Variants in ADGRG3 observed in about 807,000 individuals in gnomAD.
ADGRG3 encodes adhesion G protein-coupled receptor G3.
Under a neutral mutation model 54.3 loss-of-function variants are expected in ADGRG3, and 39 were observed. The ratio of observed to expected loss-of-function variants is 0.72; its 90% CI spans 0.56 to 0.94. The LOEUF (loss-of-function observed/expected upper bound fraction) is 0.94, where lower values mean the gene tolerates loss of function less well. Ranked by LOEUF, ADGRG3 falls within the 40% of genes least tolerant of loss-of-function variation. The pLI is 0.00. For synonymous variants in ADGRG3, 312 were observed against 290.0 expected (o/e 1.08, Z -0.77); for missense variants, 654 against 694.6 (o/e 0.94, Z 0.66).
At position 57,685,881 on chromosome 16, in the gene ADGRG3, G is replaced by T; in HGVS notation, c.1495G>T (p.Gly499Cys). ...TWGLAIFTPL[G>C]LSTVYIFALF... is the part of the protein sequence containing the mutation. Reference sequence around the variant, plus strand: ...GGGGTTGGCCATCTTCACCCCGTTGGGCCTCTCCACCGTCTACATCTTTGC... The same window carrying T: ...GGGGTTGGCCATCTTCACCCCGTTGTGCCTCTCCACCGTCTACATCTTTGC... Residue 499 changes from glycine (G) to cysteine (C), a missense_variant, in exon 11 of 12, where the codon GGC (glycine) becomes TGC (cysteine). Gly to Cys is a radical substitution (Grantham distance 159). Transcript: ENST00000333493. 6.2e-7 allele frequency: 1 copy of T among 1,614,068 alleles called. No homozygotes were observed. Among genetic ancestry groups the T allele is most frequent in the Non-Finnish European group, 8.5e-7 (1 of 1,180,002 alleles).
At chr16:57,668,845 C>G (rs1212003869) in intron 1 of ADGRG3, among the ~76,000 whole-genome samples, 1 of 152,156 alleles carries the variant, frequency 6.6e-6, no homozygotes, top group Admixed American at 6.5e-5. Flanking sequence ...TCTTCTGGAC[C>G]TCTCCTCCCG....
rs2048463467 is a variant in ADGRG3 at position 57,685,850 on chromosome 16, G to C, written c.1464G>C (p.Val488=). 2 of 1,614,054 alleles carry C rather than the reference G, an allele frequency of 1.2e-6. No individual in the cohort carries two copies. Among genetic ancestry groups the C allele is most frequent in the African/African-American group, 2.7e-5 (2 of 74,912 alleles). ...TGGGCCTCTCGAGCCTGGTGGGTGT[G>C]ACATGGGGGTTGGCCATCTTCACCC... ...TLLGLSSLVG[V]TWGLAIFTPL... The change falls in exon 11 of 12, where the codon GTG becomes GTC. Residue 488 remains valine (V), a synonymous_variant. Coordinates refer to ENST00000333493, the MANE Select transcript of ADGRG3 (RefSeq NM_170776.5).
rs78464854 is a variant in ADGRG3, at chr16:57,684,492, C to A, written c.1256+9C>A. ...CGCACCTCTCTGGAGCTGTGAGTGG[C>A]GGCTGTGGGAGCAGGGGTGATGCCA... On this transcript the variant is annotated intron_variant, in intron 10 of 11. Coordinates refer to ENST00000333493, the MANE Select transcript of ADGRG3 (RefSeq NM_170776.5). The A allele has an allele frequency of 6.2e-7, 1 of 1,604,880 alleles. No homozygotes were observed. Among genetic ancestry groups the A allele is most frequent in the South Asian group, 1.1e-5 (1 of 90,850 alleles).
At chr16:57,673,265 A>G (rs2048194969) in intron 1 of ADGRG3, 56 bp from the exon 2 acceptor site, 4 of 1,555,418 alleles carry the variant, frequency 2.6e-6, no homozygotes, top group Non-Finnish European at 3.5e-6. Context: ...CCTGCTCCTC[A>G]TCCTTGCTGC....
In ADGRG3 at chr16:57,685,930, A is replaced by G. The variant is rs1252837417; in HGVS notation, c.1540+4A>G. 2 of 1,612,816 alleles carry G rather than the reference A, an allele frequency of 1.2e-6. No individual in the cohort carries two copies. The highest frequency in any genetic ancestry group is 8.5e-7 in the Non-Finnish European group (1 of 1,179,130). On this transcript the variant is annotated splice_donor_region_variant and intron_variant, in intron 11 of 11. Transcript: ENST00000333493. The stretch of plus-strand genomic sequence containing the variant: ...GCACTTTTCAACTCCTTGCAAGGTG[A>G]GGCCCCTGCACCAGGGAGGTGATGG...
intron 2 of ADGRG3, 145 bp from the exon 3 acceptor site, chr16:57,676,055 C>A (rs543690038): frequency 3.1e-6 from 2 of 644,876 alleles, no homozygotes; most frequent in Admixed American, 6.1e-5. Context: ...GCCTGGACGG[C>A]CCCCAAGCCA....
At chr16:57,686,676 A>G (rs1386653682) in intron 11 of ADGRG3, 1 of 152,176 alleles carries the variant, frequency 6.6e-6, no homozygotes, top group Non-Finnish European at 1.5e-5. Flanking sequence ...ATGGCCCCAA[A>G]TTGTTACCCA....
chr16:57,685,008 C>T (rs1180030125), intron 10 of ADGRG3, among the ~76,000 whole-genome samples: 2 of 152,240 alleles, frequency 1.3e-5, no homozygotes, highest in East Asian at 3.9e-4. Flanking sequence ...CTCATCTGCA[C>T]CATGGGGGAA....
intron 2 of ADGRG3, 139 bp from the exon 3 acceptor site, chr16:57,676,061 A>G (rs998777254): frequency 8.7e-5 from 60 of 685,872 alleles, no homozygotes; most frequent in Non-Finnish European, 1.3e-4. Flanking sequence ...ACGGCCCCCA[A>G]GCCACTTTTC....
chr16:57,674,479 G>A, intron 2 of ADGRG3: 1 of 385,632 alleles, frequency 2.6e-6, no homozygotes, highest in Non-Finnish European at 5.3e-6. Context: ...ATAAATATGT[G>A]TTAAAGGAAT....
At chr16:57,666,856 TGC>T (rs1328849480), upstream of ADGRG3, among the ~76,000 whole-genome samples, 3 of 152,138 alleles carry the variant, frequency 2.0e-5, no homozygotes, top group Non-Finnish European at 4.4e-5. Flanking sequence ...CACTGGTACC[TGC>T]GAGCCTCTCT....
upstream of ADGRG3, among the ~76,000 whole-genome samples, chr16:57,667,538 G>A (rs1209850353): frequency 6.6e-6 from 1 of 152,258 alleles, no homozygotes; most frequent in Non-Finnish European, 1.5e-5. Flanking sequence ...GGCCACAGGC[G>A]GCTCCGCCTG....
chr16:57,685,309 G>T lies in ADGRG3; in HGVS notation c.1257-334G>T, dbSNP rs2048453254. ...CGGTCAGTTACTATCCTTCAGGAGG[G>T]CATCCACAGAGCTGCCAGGTGTATG... On this transcript the variant is annotated intron_variant, in intron 10 of 11. Coordinates refer to ENST00000333493, the MANE Select transcript of ADGRG3 (RefSeq NM_170776.5). Among the ~76,000 whole-genome samples, 3 of 152,366 alleles carry T rather than the reference G, an allele frequency of 2.0e-5. No individual in the cohort carries two copies. The South Asian group carries it at 6.2e-4, about 32-fold the overall frequency.
chr16:57,668,479 C>A (rs2048091279), intron 1 of ADGRG3, 74 bp downstream of exon 1: 2 of 1,355,822 alleles, frequency 1.5e-6, no homozygotes, highest in Admixed American at 2.0e-5. Flanking sequence ...GATCCAGGGA[C>A]AGACGCAGGG....
At chr16:57,667,336 A>G (rs941682657), upstream of ADGRG3, among the ~76,000 whole-genome samples, 1 of 152,216 alleles carries the variant, frequency 6.6e-6, no homozygotes, top group Non-Finnish European at 1.5e-5. Flanking sequence ...TCACCTTCCA[A>G]TTGCCAAGTG....
chr16:57,688,281 C>A, intron 11 of ADGRG3, 71 bp from the exon 12 acceptor site: 1 of 971,402 alleles, frequency 1.0e-6, no homozygotes, highest in Non-Finnish European at 1.7e-6. Flanking sequence ...CTCTCAGCAG[C>A]CACCAGCCCA....
chr16:57,685,624 C>T lies in ADGRG3; in HGVS notation c.1257-19C>T, dbSNP rs1213269701. The stretch of plus-strand genomic sequence containing the variant: ...AGAGGTACCACTCCCAGTCCCACCA[C>T]AGCTGCCCCCTCCTCCAGATGCTGG... On this transcript the variant is annotated intron_variant, in intron 10 of 11. Coordinates refer to ENST00000333493, the MANE Select transcript of ADGRG3 (RefSeq NM_170776.5). 8.7e-6 allele frequency: 14 copies of T among 1,612,262 alleles called. No homozygotes were observed. The highest frequency in any genetic ancestry group is 1.2e-5 in the Non-Finnish European group (14 of 1,178,616).
chr16:57,686,579 CTCTA>C (rs1420318392), intron 11 of ADGRG3: 1 of 152,542 alleles, frequency 6.6e-6, no homozygotes, highest in Admixed American at 6.5e-5. Context: ...CAGATACGTT[CTCTA>C]TCTTTTTCCT....
intron 8 of ADGRG3, among the ~76,000 whole-genome samples, chr16:57,682,870 C>T (rs1038358080): frequency 3.3e-5 from 5 of 152,248 alleles, no homozygotes; most frequent in Non-Finnish European, 7.3e-5. Context: ...TTTTCGGCTT[C>T]ATGCATCCAC....
Sources: gnomAD v4.1 joint callset for allele counts (sites outside exome capture counted in the v4.1 genomes callset) on GRCh38, gnomAD v4.1.1 for gene constraint, MANE v1.5 for transcripts, NCBI Gene and HGNC (gene_info 2026-07-23, HGNC 2026-07-21) for gene names.